The following LCOR variants were observed in gnomAD, a reference collection of about 807,000 sequenced individuals.
The protein encoded by LCOR is ligand dependent nuclear receptor corepressor, also known as ligand-dependent corepressor.
In LCOR, 14 loss-of-function variants were observed where a neutral mutation model predicts 64.4. The ratio of observed to expected loss-of-function variants is 0.22; its 90% CI spans 0.14 to 0.34. The LOEUF (loss-of-function observed/expected upper bound fraction) is 0.34, where lower values mean the gene tolerates loss of function less well. LCOR is among the 10% of genes least tolerant of loss of function. The probability of loss-of-function intolerance (pLI) is 1.00; values close to 1 mark genes in which losing one functional copy is unlikely to be tolerated. For synonymous variants in LCOR, 643 were observed against 642.5 expected, an observed-to-expected ratio of 1.00 and a Z score of -0.01; for missense variants, 1,686 against 1,765.3, an observed-to-expected ratio of 0.96 and a Z score of 0.80.
At chr10:96,946,963 G>T in intron 5 of LCOR, among the ~76,000 whole-genome samples, 1 of 151,968 alleles carries the variant, frequency 6.6e-6, no homozygotes, top group Non-Finnish European at 1.5e-5. Flanking sequence ...GGGGTGGAAA[G>T]GTAAACTAAT....
intron 5 of LCOR, among the ~76,000 whole-genome samples, chr10:96,944,817 T>C (rs534302803): frequency 6.6e-6 from 1 of 152,302 alleles, no homozygotes; most frequent in African/African-American, 2.4e-5. Flanking sequence ...AATTTATCTT[T>C]TTCCTTGAAA....
chr10:96,875,090 T>G (rs1308275264), intron 2 of LCOR, among the ~76,000 whole-genome samples: 1 of 151,400 alleles, frequency 6.6e-6, no homozygotes, highest in Non-Finnish European at 1.5e-5. Flanking sequence ...TTATATAATA[T>G]CTAGTCTAAA....
At chr10:96,927,452 G>A (rs1227767966) in intron 4 of LCOR, among the ~76,000 whole-genome samples, 1 of 151,710 alleles carries the variant, frequency 6.6e-6, no homozygotes, top group Non-Finnish European at 1.5e-5. Flanking sequence ...CATTTGAAAA[G>A]CAGTTTTTTT....
intron 1 of LCOR, 145 bp from the exon 2 acceptor site, chr10:96,833,261 C>A: frequency 1.0e-6 from 1 of 957,458 alleles, no homozygotes; most frequent in Non-Finnish European, 1.2e-6. Context: ...CCCCGTCCGC[C>A]CCCCGCCTCC....
intron 2 of LCOR, among the ~76,000 whole-genome samples, chr10:96,870,078 G>A (rs1003877756): frequency 4.0e-5 from 6 of 150,480 alleles, no homozygotes; most frequent in African/African-American, 1.5e-4. Context: ...TTTTTGAGAT[G>A]GAGTCTCACT....
intron 2 of LCOR, among the ~76,000 whole-genome samples, chr10:96,883,761 A>G (rs1375583349): frequency 6.6e-6 from 1 of 152,196 alleles, no homozygotes; most frequent in Non-Finnish European, 1.5e-5. Context: ...TGTCTTTTGC[A>G]GATATTTATT....
chr10:96,845,500 G>A (rs963867863), intron 2 of LCOR, among the ~76,000 whole-genome samples: 12 of 108,774 alleles, frequency 1.1e-4, no homozygotes, highest in Middle Eastern at 9.4e-3. Flanking sequence ...ACGGAGTCTC[G>A]CTGTCGCCCA....
rs36096056 is a variant in LCOR at position 96,983,619 on chromosome 10, T to C, written c.3159T>C (p.Asp1053=). Residue 1053 remains aspartate, a synonymous_variant, in exon 8 of 8, where the codon GAT becomes GAC. Coordinates refer to ENST00000421806, the MANE Select transcript of LCOR (RefSeq NM_001346516.2). This position sits in a 1 kb window ranked among gnomAD's most constrained non-coding sequence, Gnocchi z 4.5. ...ACGCTCATTCTCTGGGCTCCTTGGA[T>C]GCTTCAAAAGTGACTTCAGAAAAGG... ...LRHAHSLGSL[D]ASKVTSEKEA... is the part of the protein sequence containing the mutation. 5,003 of 1,614,122 alleles carry C rather than the reference T, an allele frequency of 3.1e-3. 152 individuals carry two copies. The African/African-American group carries it at 0.057, about 18-fold the overall frequency.
rs1847766160 is a variant in LCOR at position 96,955,979 on chromosome 10, T to C, written c.332+3783T>C. The C allele has an allele frequency of 3.9e-6, 6 of 1,545,716 alleles. No individual in the cohort carries two copies. In the South Asian group the frequency reaches 7.7e-5, roughly 20 times the overall value. Reference sequence around the variant, plus strand: ...CTGGGTGAGCACTACTGCATCATTGTTCAGCTATCATTGCTTGCACGTAAT... The same window carrying C: ...CTGGGTGAGCACTACTGCATCATTGCTCAGCTATCATTGCTTGCACGTAAT... On this transcript the variant is annotated intron_variant, in intron 7 of 7. Coordinates refer to ENST00000421806, the MANE Select transcript of LCOR (RefSeq NM_001346516.2).
At chr10:96,852,701 G>A (rs1437253812) in intron 2 of LCOR, among the ~76,000 whole-genome samples, 1 of 152,148 alleles carries the variant, frequency 6.6e-6, no homozygotes, top group Non-Finnish European at 1.5e-5. Context: ...TAGAAGCAAT[G>A]GTAGAAGTAG....
chr10:96,861,698 A>G (rs1350587753), intron 2 of LCOR, among the ~76,000 whole-genome samples: 3 of 152,120 alleles, frequency 2.0e-5, no homozygotes, highest in African/African-American at 4.8e-5. Flanking sequence ...GATGTGTGCC[A>G]TCACACCCGG....
At chr10:96,862,290 T>C (rs1845900062) in intron 2 of LCOR, among the ~76,000 whole-genome samples, 1 of 152,176 alleles carries the variant, frequency 6.6e-6, no homozygotes, top group African/African-American at 2.4e-5. Context: ...TTCTTTGTTT[T>C]TGAGATAGCG....
chr10:96,944,686 T>C (rs1338179838), intron 5 of LCOR, among the ~76,000 whole-genome samples: 1 of 151,928 alleles, frequency 6.6e-6, no homozygotes, highest in East Asian at 1.9e-4. Context: ...TTTTCTGATA[T>C]AGTCTTGTTT....
intron 2 of LCOR, among the ~76,000 whole-genome samples, chr10:96,873,099 A>G (rs1315572208): frequency 6.6e-6 from 1 of 152,196 alleles, no homozygotes; most frequent in Non-Finnish European, 1.5e-5. Flanking sequence ...AAGGATAGAC[A>G]TGATTTTAAT....
chr10:96,900,370 A>G (rs900843606), intron 2 of LCOR, among the ~76,000 whole-genome samples: 1 of 152,106 alleles, frequency 6.6e-6, no homozygotes, highest in African/African-American at 2.4e-5. Context: ...AAAAAAAGAA[A>G]CCTGAAAATA....
At chr10:96,833,071 C>G in intron 1 of LCOR, 1 of 986,436 alleles carries the variant, frequency 1.0e-6, no homozygotes, top group Non-Finnish European at 1.2e-6. Flanking sequence ...GCTGCACTTC[C>G]TCAGCGGGCG....
intron 2 of LCOR, among the ~76,000 whole-genome samples, chr10:96,899,434 T>C (rs1193964376): frequency 6.6e-6 from 1 of 152,168 alleles, no homozygotes; most frequent in Non-Finnish European, 1.5e-5. Context: ...AATAATATTC[T>C]TGATGGCTTT....
rs1180823478 is a variant in LCOR, at chr10:96,862,873, C to T, written c.-330+29394C>T. 2.7e-5 allele frequency among the ~76,000 whole-genome samples: 4 copies of T among 150,134 alleles called. No individual in the cohort carries two copies. In the East Asian group the frequency reaches 7.8e-4, roughly 29 times the overall value. ...TAAAGTTTAGTAATATGTTTTCTTT[C>T]TTTTCTTTTCTTTTTTTTTTTTTTG... is the stretch of plus-strand genomic sequence containing the variant. On this transcript the variant is annotated intron_variant, in intron 2 of 7. Transcript: ENST00000421806.
At position 96,876,896 on chromosome 10, in the gene LCOR, TGTTGGCCAG is replaced by T. The variant is rs564528122; in HGVS notation, c.-329-30363_-329-30355del. Among the ~76,000 whole-genome samples, 79 of 152,268 alleles carry T rather than the reference TGTTGGCCAG, an allele frequency of 5.2e-4. 1 individual carries two copies. The South Asian group carries it at 0.011, about 20-fold the overall frequency. ...TTTTAGTAGAGACAGGGTTTCATTA[TGTTGGCCAG>T]GTTGGTCTGGAACTCCTGACCTCAG... is the stretch of plus-strand genomic sequence containing the variant. On this transcript the variant is annotated intron_variant, in intron 2 of 7. Coordinates refer to ENST00000421806, the MANE Select transcript of LCOR (RefSeq NM_001346516.2).
Sources: allele counts gnomAD v4.1 joint callset (sites outside exome capture counted in the v4.1 genomes callset), GRCh38; gene constraint gnomAD v4.1.1; non-coding constraint Gnocchi (gnomAD v3.1); transcripts MANE v1.5; gene names NCBI Gene and HGNC (gene_info 2026-07-23, HGNC 2026-07-21).